Variants in STK36 observed in about 807,000 individuals in gnomAD.
STK36 encodes serine/threonine-protein kinase 36.
A neutral mutation model predicts 142.2 loss-of-function variants in STK36; 116 were observed. The ratio of observed to expected loss-of-function variants is 0.82; its 90% CI spans 0.70 to 0.95. STK36 has a LOEUF of 0.95. STK36 is among the 40% of genes least tolerant of loss of function. The probability of loss-of-function intolerance (pLI) is 0.00; values close to 1 mark genes in which losing one functional copy is unlikely to be tolerated. For synonymous variants in STK36, 619 were observed against 641.7 expected, an observed-to-expected ratio of 0.96 and a Z score of 0.53; for missense variants, 1,422 against 1,617.2, an observed-to-expected ratio of 0.88 and a Z score of 2.07.
intron 11 of STK36, among the ~76,000 whole-genome samples, chr2:218,687,125 T>C (rs568664916): frequency 1.3e-5 from 2 of 152,396 alleles, no homozygotes; most frequent in African/African-American, 4.8e-5. Context: ...TATTGAGTTG[T>C]AAGACTTCTT....
rs776619847 is a variant in STK36 at position 218,699,250 on chromosome 2, C to T, written c.3706C>T (p.Arg1236Trp). ...GCTGTTACAGTGCGAAGTACCCCAG[C>T]GGCTCCTAGAAATGGCATGTGGAGA... Reference protein sequence around the residue: ...EELLQCEVPQRLLEMACGDPQ... With the variant: ...EELLQCEVPQWLLEMACGDPQ... The change falls in exon 26 of 27, where the codon CGG becomes TGG. Residue 1236 changes from arginine to tryptophan, a missense_variant. Physicochemically the swap from Arg to Trp is moderately radical, Grantham distance 101. This residue lies in a region of STK36 where 962 missense variants were observed against 1,167.5 expected (regional missense o/e 0.82). Coordinates refer to ENST00000295709, the MANE Select transcript of STK36 (RefSeq NM_015690.5). The T allele has an allele frequency of 6.2e-6, 10 of 1,613,872 alleles. No individual in the cohort carries two copies. Among genetic ancestry groups the T allele is most frequent in the South Asian group, 4.4e-5 (4 of 91,072 alleles).
chr2:218,685,784 C>T (rs1940749842), intron 11 of STK36, among the ~76,000 whole-genome samples: 1 of 152,122 alleles, frequency 6.6e-6, no homozygotes, highest in Non-Finnish European at 1.5e-5. Context: ...AACTGTGTTG[C>T]TTATATCACT....
chr2:218,689,118 A>T (rs1940895360), intron 12 of STK36, among the ~76,000 whole-genome samples: 1 of 152,236 alleles, frequency 6.6e-6, no homozygotes, highest in Admixed American at 6.5e-5. Context: ...ACTAGAGTTC[A>T]CATGCCTCCT....
At chr2:218,697,257 CTT>C (rs1941270653) in intron 23 of STK36, 44 bp downstream of exon 23, 1 of 1,577,400 alleles carries the variant, frequency 6.3e-7, no homozygotes, top group East Asian at 2.2e-5. Context: ...ATTGATCTCT[CTT>C]CAAGAGGAGG....
rs1940225463 is a variant in STK36 at position 218,676,012 on chromosome 2, C to T, written c.435-17C>T. ...ATATCTTTTCCCTTTCCATTTCCAT[C>T]CCATTATCTTCTGCAGATTTGCCCG... On this transcript the variant is annotated splice_polypyrimidine_tract_variant and intron_variant, in intron 5 of 26. Transcript: ENST00000295709. 1 of 1,612,218 alleles carries T rather than the reference C, an allele frequency of 6.2e-7. No individual in the cohort carries two copies. The highest frequency in any genetic ancestry group is 1.3e-5 in the African/African-American group (1 of 74,970).
intron 25 of STK36, among the ~76,000 whole-genome samples, 190 bp downstream of exon 25, chr2:218,698,191 T>A (rs1460802334): frequency 2.6e-5 from 4 of 152,186 alleles, no homozygotes; most frequent in African/African-American, 9.6e-5. Context: ...GGGAGCTGGG[T>A]TGGTGCCTCC....
chr2:218,680,725 G>T, intron 10 of STK36, 23 bp downstream of exon 10: 1 of 1,594,206 alleles, frequency 6.3e-7, no homozygotes, highest in South Asian at 1.1e-5. Flanking sequence ...GTCTCTTACT[G>T]ACTTTGTCTC....
chr2:218,696,791 C>T lies in STK36; in HGVS notation c.2586+190C>T, dbSNP rs1941249398. ...TTTGAAGGAAACCATTCGCTGCGTC[C>T]CCTGGGATCCAGTGGGAGATAAAAT... On this transcript the variant is annotated intron_variant, in intron 22 of 26. Transcript: ENST00000295709. 3.3e-6 allele frequency: 3 copies of T among 901,038 alleles called. No individual in the cohort carries two copies. The South Asian group carries it at 3.9e-5, about 12-fold the overall frequency. 55.8% of individuals were successfully genotyped at this position (901,038 alleles called of 1,614,324 possible).
intron 23 of STK36, 111 bp from the exon 24 acceptor site, chr2:218,697,352 G>T: frequency 6.6e-7 from 1 of 1,524,100 alleles, no homozygotes. Context: ...CACTAGAGCT[G>T]CTCTAAGATG....
chr2:218,684,928 AC>A, intron 10 of STK36, 156 bp from the exon 11 acceptor site: 1 of 844,534 alleles, frequency 1.2e-6, no homozygotes, highest in Non-Finnish European at 1.8e-6. Context: ...TGCCAGCTGT[AC>A]CTTTTTTAGC....
rs1240766711 is a variant in STK36, at chr2:218,701,855, C to T, written c.3805-11C>T. ...CATGTTCTGTTCTATCATCTGTTCT[C>T]TATCCTACAGGTACTGGTGTCCCTG... On this transcript the variant is annotated splice_polypyrimidine_tract_variant and intron_variant, in intron 26 of 26. Coordinates refer to ENST00000295709, the MANE Select transcript of STK36 (RefSeq NM_015690.5). The T allele has an allele frequency of 6.2e-7, 1 of 1,613,866 alleles. No homozygotes were observed. The highest frequency in any genetic ancestry group is 1.3e-5 in the African/African-American group (1 of 75,030).
rs531200863 is a variant in STK36 at position 218,675,352 on chromosome 2, A to G, written c.313A>G (p.Ile105Val). 3.1e-6 allele frequency: 5 copies of G among 1,611,298 alleles called. No individual in the cohort carries two copies. The African/African-American group carries it at 4.0e-5, about 13-fold the overall frequency. Reference protein sequence around the residue: ...GKLPEDQVQAIAAQLVSALYY... With the variant: ...GKLPEDQVQAVAAQLVSALYY... ...CCTCTTTAATTTCTAGGTTCAGGCCATTGCTGCCCAGTTGGTGTCAGCCCT... is the reference window on the plus strand; with the variant it reads ...CCTCTTTAATTTCTAGGTTCAGGCCGTTGCTGCCCAGTTGGTGTCAGCCCT... Residue 105 changes from isoleucine to valine, a missense_variant, in exon 5 of 27, where the codon ATT becomes GTT. Physicochemically the swap from Ile to Val is conservative, Grantham distance 29 (BLOSUM62 3). Transcript: ENST00000295709.
intron 12 of STK36, 124 bp downstream of exon 12, chr2:218,689,000 T>C: frequency 9.8e-7 from 1 of 1,018,240 alleles, no homozygotes; most frequent in Non-Finnish European, 1.4e-6. Context: ...TCTTTCTAGT[T>C]AGTAGACTAT....
chr2:218,688,538 AT>A, intron 11 of STK36, 158 bp from the exon 12 acceptor site: 1 of 841,286 alleles, frequency 1.2e-6, no homozygotes, highest in Non-Finnish European at 1.9e-6. Context: ...CAGTTCCCCT[AT>A]TTCCCTGCTT....
At chr2:218,701,228 G>A (rs1346822402) in intron 26 of STK36, among the ~76,000 whole-genome samples, 12 of 150,134 alleles carry the variant, frequency 8.0e-5, no homozygotes, top group Admixed American at 4.7e-4. Flanking sequence ...TCTGCCTCCC[G>A]GGTTCACGCC....
In STK36 at chr2:218,692,289, C is replaced by T. The variant is rs112895042; in HGVS notation, c.1911C>T (p.Pro637=). The stretch of plus-strand genomic sequence containing the variant: ...TTCCACAGCTCCCTGTCCACACTCC[C>T]CAAGGTAACCAGAGTGGAGAAGGGA... ...LTVPQLPVHT[P]QGAPQVSQPL... Residue 637 remains proline (P), a synonymous_variant, in exon 15 of 27, where the codon CCC becomes CCT. Coordinates refer to ENST00000295709, the MANE Select transcript of STK36 (RefSeq NM_015690.5). 1.1e-5 allele frequency: 18 copies of T among 1,614,028 alleles called. No individual in the cohort carries two copies. Among genetic ancestry groups the T allele is most frequent in the African/African-American group, 4.0e-5 (3 of 74,920 alleles).
rs1940443722 is a variant in STK36, at chr2:218,680,052, G to A, written c.1108G>A (p.Gly370Arg). The change falls in exon 9 of 27, where the codon GGG (glycine) becomes AGG (arginine). Residue 370 changes from glycine (G) to arginine (R), a missense_variant. Physicochemically the swap from Gly to Arg is moderately radical, Grantham distance 125. Around this residue, in one of 2 missense-constraint regions of STK36, gnomAD observed 962 missense variants for 1,167.5 expected, o/e 0.82. Coordinates refer to ENST00000295709, the MANE Select transcript of STK36 (RefSeq NM_015690.5). The part of the protein sequence containing the change: ...SELKSSWAKS[G>R]TGEVPSAPRE... ...ATTGAAGAGCAGCTGGGCTAAATCA[G>A]GGACTGGAGAGGTGCCCTCTGCACC... The A allele has an allele frequency of 1.2e-6, 2 of 1,614,044 alleles. No individual in the cohort carries two copies. The highest frequency in any genetic ancestry group is 2.7e-5 in the African/African-American group (2 of 74,924).
At position 218,679,155 on chromosome 2, in the gene STK36, T is replaced by C; in HGVS notation, c.685-13T>C. On this transcript the variant is annotated splice_polypyrimidine_tract_variant and intron_variant, in intron 6 of 26. Coordinates refer to ENST00000295709, the MANE Select transcript of STK36 (RefSeq NM_015690.5). ...GGAAAGAATGACTGATGGAATATTT[T>C]TTCTCTCTGTAGAACTTCCTGCAGG... 6.2e-7 allele frequency: 1 copy of C among 1,613,436 alleles called. No homozygotes were observed. The highest frequency in any genetic ancestry group is 1.1e-5 in the South Asian group (1 of 91,050).
chr2:218,691,767 A>C (rs111240073), intron 14 of STK36, among the ~76,000 whole-genome samples: 7 of 152,250 alleles, frequency 4.6e-5, no homozygotes, highest in Admixed American at 1.3e-4. Context: ...CATGTTGCCC[A>C]GGTTGGTCTC....
Sources: gnomAD v4.1 joint callset for allele counts (sites outside exome capture counted in the v4.1 genomes callset) on GRCh38, gnomAD v4.1.1 for gene constraint, gnomAD v4.1.1 regional missense constraint, MANE v1.5 for transcripts, NCBI Gene and HGNC (gene_info 2026-07-23, HGNC 2026-07-21) for gene names.